DMXL2: variants seen among roughly 807,000 people sequenced by gnomAD.
DMXL2 encodes dmX-like protein 2.
A neutral mutation model predicts 331.1 loss-of-function variants in DMXL2; 103 were observed. The observed-to-expected ratio is 0.31, with a 90% CI of 0.27 to 0.37. DMXL2 has a LOEUF of 0.37. Among genes scored for constraint, DMXL2 ranks in the 10% least tolerant of loss-of-function variants. The pLI is 1.00. For synonymous variants in DMXL2, 1,281 were observed against 1,252.1 expected (o/e 1.02, Z -0.49); for missense variants, 3,171 against 3,642.9 (o/e 0.87, Z 3.33).
At chr15:51,504,304 A>C (rs530517785) in intron 16 of DMXL2, among the ~76,000 whole-genome samples, 1 of 152,340 alleles carries the variant, frequency 6.6e-6, no homozygotes, top group East Asian at 1.9e-4. Flanking sequence ...AAGACATTAG[A>C]CTAGTAGCCT....
Position 51,498,402 on chromosome 15 carries a change from A to G in DMXL2, c.4672+150T>C. On this transcript the variant is annotated intron_variant, in intron 18 of 43. Coordinates refer to ENST00000560891, the MANE Select transcript of DMXL2 (RefSeq NM_001378457.1). ...CCTCAACCGTCTTTTCTAACTGAGC[A>G]TATTATATAATAGTAATTACCTATT... The G allele has an allele frequency of 7.3e-6, 5 of 688,480 alleles. No homozygotes were observed. The South Asian group carries it at 9.6e-5, about 13-fold the overall frequency. 42.6% of individuals were successfully genotyped at this position (688,480 alleles called of 1,614,324 possible).
chr15:51,606,415 G>A lies in DMXL2; in HGVS notation c.87+16044C>T, dbSNP rs559499614. On this transcript the variant is annotated intron_variant, in intron 1 of 43. Transcript: ENST00000560891. ...TTCACCAGTTGACCAGGCTGGTCTC[G>A]AACTCCTGACCTCAGGTTATCCACG... 3.3e-5 allele frequency among the ~76,000 whole-genome samples: 5 copies of A among 152,210 alleles called. No individual in the cohort carries two copies. In the South Asian group the frequency reaches 6.2e-4, roughly 19 times the overall value.
At position 51,507,190 on chromosome 15, in the gene DMXL2, T is replaced by C; in HGVS notation, c.2708A>G (p.Asn903Ser). ...GTGCCACATATGCAGAATAGAGTTA[T>C]TATTGCTGTCCTTCTCAATTACTAC... ...FLVVIEKDSN[N>S]NSILHMWHLH... Residue 903 changes from asparagine to serine, a missense_variant, in exon 16 of 44, where the codon AAT (asparagine) becomes AGT (serine). This residue lies in a region of DMXL2 where 1,674 missense variants were observed against 1,780.2 expected (regional missense o/e 0.94). Transcript: ENST00000560891. 2 of 1,611,452 alleles carry C rather than the reference T, an allele frequency of 1.2e-6. No homozygotes were observed. The highest frequency in any genetic ancestry group is 1.7e-6 in the Non-Finnish European group (2 of 1,178,376).
intron 4 of DMXL2, 79 bp downstream of exon 4, chr15:51,565,009 G>T: frequency 1.2e-6 from 1 of 808,208 alleles, no homozygotes; most frequent in Non-Finnish European, 1.8e-6. Flanking sequence ...TTCTTATTAT[G>T]GGAGACTATA....
At chr15:51,502,306 T>TTTTGTG (rs1555422985) in intron 17 of DMXL2, among the ~76,000 whole-genome samples, 2 of 140,558 alleles carry the variant, frequency 1.4e-5, no homozygotes, top group African/African-American at 2.7e-5. Context: ...TTTTGTGGGT[T>TTTTGTG]TGTGTGTGTG....
chr15:51,464,889 A>G lies in DMXL2; in HGVS notation c.7607-13T>C. The stretch of plus-strand genomic sequence containing the variant: ...GTTACAGGCAGCTCTACAAGGTGAC[A>G]GAATATGTTATTTATTTTAATAAAA... On this transcript the variant is annotated splice_polypyrimidine_tract_variant and intron_variant, in intron 31 of 43. Transcript: ENST00000560891. The G allele has an allele frequency of 6.3e-7, 1 of 1,584,018 alleles. No homozygotes were observed. The highest frequency in any genetic ancestry group is 8.6e-7 in the Non-Finnish European group (1 of 1,162,960).
At chr15:51,611,619 T>C (rs2053975397) in intron 1 of DMXL2, among the ~76,000 whole-genome samples, 3 of 152,252 alleles carry the variant, frequency 2.0e-5, no homozygotes, top group African/African-American at 7.2e-5. Flanking sequence ...GGGAGCTTTG[T>C]GTTCCAGTCT....
intron 13 of DMXL2, among the ~76,000 whole-genome samples, chr15:51,522,818 A>G (rs2047452833): frequency 6.6e-6 from 1 of 152,128 alleles, no homozygotes; most frequent in Non-Finnish European, 1.5e-5. Context: ...CTGTTTTCAT[A>G]TCCATATTCA....
At chr15:51,500,450 A>G (rs1321288497) in intron 17 of DMXL2, among the ~76,000 whole-genome samples, 3 of 152,244 alleles carry the variant, frequency 2.0e-5, no homozygotes, top group South Asian at 2.1e-4. Flanking sequence ...AAGGTATGCA[A>G]TAATAATCAC....
At chr15:51,470,327 G>T (rs569140213) in intron 29 of DMXL2, among the ~76,000 whole-genome samples, 1 of 151,942 alleles carries the variant, frequency 6.6e-6, no homozygotes, top group Non-Finnish European at 1.5e-5. Flanking sequence ...CAGAGACATG[G>T]TCTATGTTGT....
At position 51,458,858 on chromosome 15, in the gene DMXL2, T is replaced by C. The variant is rs536296649; in HGVS notation, c.7990-63A>G. ...ACAGCTCTATTTAGAGTTATGCACATCCCATAAGATTTAAATGTAGGATAA... is the reference window on the plus strand; with the variant it reads ...ACAGCTCTATTTAGAGTTATGCACACCCCATAAGATTTAAATGTAGGATAA... On this transcript the variant is annotated intron_variant, in intron 34 of 43. Transcript: ENST00000560891. 1.5e-4 allele frequency: 205 copies of C among 1,323,410 alleles called. 2 individuals are homozygous for C. In the South Asian group the frequency reaches 2.1e-3, roughly 13 times the overall value. 82.0% of individuals were successfully genotyped at this position (1,323,410 alleles called of 1,614,324 possible). A position where few individuals can be genotyped will look rare whatever the true frequency, so the allele number is the denominator to read the frequency against.
At chr15:51,491,094 C>T (rs868221420) in intron 20 of DMXL2, among the ~76,000 whole-genome samples, 11 of 152,114 alleles carry the variant, frequency 7.2e-5, no homozygotes, top group African/African-American at 2.7e-4. Flanking sequence ...CAATATCATA[C>T]TGCATGGACA....
intron 33 of DMXL2, 44 bp downstream of exon 33, chr15:51,463,335 A>T (rs778900767): frequency 1.9e-5 from 24 of 1,235,992 alleles, no homozygotes; most frequent in Non-Finnish European, 2.3e-5. Flanking sequence ...ATGTTAAAGA[A>T]AACTAAAGAA....
Position 51,466,287 on chromosome 15 carries a change from C to G in DMXL2, c.7417G>C (p.Gly2473Arg). ...AKPFLPLSDS[G>R]VIYDSDESIH... ...CTTTCATCAGAATCATATATAACAC[C>G]ACTATCAGACAAAGGAAGAAATGGC... The change falls in exon 30 of 44, where the codon GGT becomes CGT. Residue 2473 changes from glycine (G) to arginine (R), a missense_variant. Coordinates refer to ENST00000560891, the MANE Select transcript of DMXL2 (RefSeq NM_001378457.1). 2 of 1,430,644 alleles carry G rather than the reference C, an allele frequency of 1.4e-6. No homozygotes were observed. The highest frequency in any genetic ancestry group is 3.4e-5 in the South Asian group (2 of 58,188). 88.6% of individuals were successfully genotyped at this position (1,430,644 alleles called of 1,614,324 possible). A position where few individuals can be genotyped will look rare whatever the true frequency, so the allele number is the denominator to read the frequency against.
intron 17 of DMXL2, among the ~76,000 whole-genome samples, chr15:51,501,215 C>T (rs540507805): frequency 6.6e-5 from 10 of 152,296 alleles, no homozygotes; most frequent in Admixed American, 2.0e-4. Context: ...ACCTGTCTTA[C>T]GGATGAATAA....
intron 4 of DMXL2, 79 bp from the exon 5 acceptor site, chr15:51,564,339 T>C (rs2050142162): frequency 9.0e-7 from 1 of 1,109,704 alleles, no homozygotes; most frequent in African/African-American, 1.7e-5. Flanking sequence ...TGTTTAGATC[T>C]GTAAACTATT....
At chr15:51,605,092 T>A (rs567863589) in intron 1 of DMXL2, among the ~76,000 whole-genome samples, 13 of 151,724 alleles carry the variant, frequency 8.6e-5, no homozygotes, top group African/African-American at 2.9e-4. Flanking sequence ...TCAAAATGAA[T>A]CATAGGATCT....
chr15:51,511,261 A>C (rs540969293), intron 15 of DMXL2, among the ~76,000 whole-genome samples: 19 of 152,350 alleles, frequency 1.2e-4, no homozygotes, highest in African/African-American at 4.6e-4. Context: ...CAGGCAACCT[A>C]CAGAATGGGA....
intron 22 of DMXL2, among the ~76,000 whole-genome samples, chr15:51,487,335 A>T (rs1465233840): frequency 6.6e-6 from 1 of 152,270 alleles, no homozygotes; most frequent in Non-Finnish European, 1.5e-5. Context: ...GTTGTGACCT[A>T]TGTACTTTAA....
Sources: gnomAD v4.1 joint callset for allele counts (sites outside exome capture counted in the v4.1 genomes callset) on GRCh38, gnomAD v4.1.1 for gene constraint, gnomAD v4.1.1 regional missense constraint, MANE v1.5 for transcripts, NCBI Gene and HGNC (gene_info 2026-07-23, HGNC 2026-07-21) for gene names.